Variants in ASXL1 observed in about 807,000 individuals in gnomAD.
The protein encoded by ASXL1 is polycomb group protein ASXL1.
Under a neutral mutation model 89.1 loss-of-function variants are expected in ASXL1, and 65 were observed. That is an observed-to-expected ratio of 0.73 (90% CI 0.60 to 0.90). The LOEUF (loss-of-function observed/expected upper bound fraction) is 0.90. ASXL1 is among the 40% of genes least tolerant of loss of function. The pLI, the probability that ASXL1 is intolerant of heterozygous loss-of-function variation, is 0.00. For synonymous variants in ASXL1, 739 were observed against 746.9 expected (o/e 0.99, Z 0.17); for missense variants, 1,786 against 1,942.9 (o/e 0.92, Z 1.52).
At chr20:32,424,916 G>A (rs2011229693) in intron 4 of ASXL1, among the ~76,000 whole-genome samples, 1 of 152,098 alleles carries the variant, frequency 6.6e-6, no homozygotes, top group Admixed American at 6.5e-5. Flanking sequence ...CATCAAATAT[G>A]GCCAGCAGCC....
At position 32,435,409 on chromosome 20, in the gene ASXL1, AC is replaced by A; in HGVS notation, c.2700del (p.Ile901SerfsTer7). 1 of 1,614,152 alleles carries A rather than the reference AC, an allele frequency of 6.2e-7. No homozygotes were observed. Among genetic ancestry groups the A allele is most frequent in the Non-Finnish European group, 8.5e-7 (1 of 1,180,018 alleles). ...LVSNSSLHWI[P>X]IPSNDEVVKQ... ...TTTCTAACAGTTCTTTGCATTGGATACCCATCCCATCGAATGATGAGGTAGT... is the reference window on the plus strand; with the variant it reads ...TTTCTAACAGTTCTTTGCATTGGATACCATCCCATCGAATGATGAGGTAGT... On this transcript the variant is annotated frameshift_variant, in exon 13 of 13. Coordinates refer to ENST00000375687, the MANE Select transcript of ASXL1 (RefSeq NM_015338.6). LOFTEE classifies it low-confidence loss of function (END_TRUNC).
Position 32,435,772 on chromosome 20 carries a change from A to G in ASXL1, c.3060A>G (p.Glu1020=). The G allele has an allele frequency of 6.2e-7, 1 of 1,614,210 alleles. No homozygotes were observed. The highest frequency in any genetic ancestry group is 8.5e-7 in the Non-Finnish European group (1 of 1,180,040). The change falls in exon 13 of 13, where the codon GAA becomes GAG. Residue 1020 remains glutamate (E), a synonymous_variant. Transcript: ENST00000375687. The stretch of plus-strand genomic sequence containing the variant: ...ACAGCAGTGAGGCTGACACTAGAGA[A>G]GCTGCAGTGACAAAGGGATCTTCGG... ...TEDSSEADTR[E]AAVTKGSSVD...
At chr20:32,428,626 A>C in intron 6 of ASXL1, 2 of 267,350 alleles carry the variant, frequency 7.5e-6, no homozygotes, top group Non-Finnish European at 6.9e-6. Flanking sequence ...CTCTTTCTTT[A>C]CCTTGGCTGA....
At chr20:32,419,335 T>G (rs2049197906) in intron 4 of ASXL1, among the ~76,000 whole-genome samples, 1 of 152,064 alleles carries the variant, frequency 6.6e-6, no homozygotes, top group Admixed American at 6.5e-5. Flanking sequence ...CCCGAGTAGC[T>G]GAGACTACAG....
intron 4 of ASXL1, among the ~76,000 whole-genome samples, chr20:32,383,171 A>C (rs185711290): frequency 1.3e-5 from 2 of 152,092 alleles, no homozygotes; most frequent in Non-Finnish European, 2.9e-5. Flanking sequence ...ATATTTCTCA[A>C]AATGTCAGTT....
chr20:32,378,158 T>TTTTGTGTGTGTGTGTG, intron 4 of ASXL1, among the ~76,000 whole-genome samples: 1 of 130,316 alleles, frequency 7.7e-6, no homozygotes, highest in African/African-American at 3.0e-5. Flanking sequence ...GCTGAGTAAT[T>TTTTGTGTGTGTGTGTG]TGTGTGTGTG....
intron 3 of ASXL1, among the ~76,000 whole-genome samples, chr20:32,368,078 C>A (rs1167846702): frequency 1.3e-5 from 2 of 152,064 alleles, no homozygotes; most frequent in African/African-American, 2.4e-5. Flanking sequence ...TTTAACACTG[C>A]ATAAATTAGG....
chr20:32,432,414 A>T (rs1414399062), intron 10 of ASXL1: 1 of 208,244 alleles, frequency 4.8e-6, no homozygotes, highest in Admixed American at 5.3e-5. Flanking sequence ...TGCTTGGCAC[A>T]TACCCAGCTT....
intron 4 of ASXL1, among the ~76,000 whole-genome samples, chr20:32,412,719 G>T (rs558481293): frequency 6.7e-6 from 1 of 148,926 alleles, no homozygotes; most frequent in African/African-American, 2.5e-5. Flanking sequence ...ATCCTGGCTG[G>T]CTAATTTTTT....
chr20:32,424,636 T>C (rs914283882), intron 4 of ASXL1, among the ~76,000 whole-genome samples: 2 of 152,202 alleles, frequency 1.3e-5, no homozygotes, highest in African/African-American at 4.8e-5. Flanking sequence ...CAAATTTTCA[T>C]TTTTTAAAAA....
rs1233368049 is a variant in ASXL1, at chr20:32,435,248, A to G, written c.2536A>G (p.Ser846Gly). ...GAAGGATCCTGTAAATGTGACCCCC[A>G]GTTCCACACCTGAATCCTCACCGAC... is the stretch of plus-strand genomic sequence containing the variant. ...TMKDPVNVTP[S>G]STPESSPTDC... The change falls in exon 13 of 13, where the codon AGT (serine) becomes GGT (glycine). Residue 846 changes from serine to glycine, a missense_variant. Physicochemically the swap from Ser to Gly is moderately conservative, Grantham distance 56. Around this residue, in one of 3 missense-constraint regions of ASXL1, gnomAD observed 1,418 missense variants for 1,427.8 expected, o/e 0.99. Transcript: ENST00000375687. The G allele has an allele frequency of 1.9e-6, 3 of 1,614,134 alleles. No individual in the cohort carries two copies. The highest frequency in any genetic ancestry group is 2.5e-6 in the Non-Finnish European group (3 of 1,180,030).
chr20:32,421,966 TC>T (rs2049262174), intron 4 of ASXL1, among the ~76,000 whole-genome samples: 1 of 150,456 alleles, frequency 6.6e-6, no homozygotes, highest in Non-Finnish European at 1.5e-5. Flanking sequence ...CCTCCCGGGT[TC>T]ATGCCATTCT....
In ASXL1 at chr20:32,437,185, A is replaced by G. The variant is rs1408801042; in HGVS notation, c.4473A>G (p.Gln1491=). Residue 1491 remains glutamine (Q), a synonymous_variant, in exon 13 of 13, where the codon CAA becomes CAG. Coordinates refer to ENST00000375687, the MANE Select transcript of ASXL1 (RefSeq NM_015338.6). ...GCCACAGTGCATCACTTTCCTTGCAAATGTTCACTGACAGCAGCACGGTGG... is the reference window on the plus strand; with the variant it reads ...GCCACAGTGCATCACTTTCCTTGCAGATGTTCACTGACAGCAGCACGGTGG... ...GASHSASLSL[Q]MFTDSSTVES... The G allele has an allele frequency of 6.2e-6, 10 of 1,613,612 alleles. No individual in the cohort carries two copies. Among genetic ancestry groups the G allele is most frequent in the Non-Finnish European group, 6.8e-6 (8 of 1,179,628 alleles).
At chr20:32,418,807 ATCTTTTTTTTTTTTTTTTTTTTTTTT>A (rs1458600097) in intron 4 of ASXL1, among the ~76,000 whole-genome samples, 5 of 101,402 alleles carry the variant, frequency 4.9e-5, no homozygotes, top group African/African-American at 1.9e-4. Context: ...AAGAATTGAC[ATCTTTTTTTTTTTTTTTTTTTTTTTT>A]TTTTTTTTTT....
intron 4 of ASXL1, chr20:32,427,827 T>C (rs2011372270): frequency 2.5e-6 from 1 of 396,838 alleles, no homozygotes; most frequent in South Asian, 2.1e-5. Context: ...TTGAGCTCCT[T>C]GAGAGCAGGG....
rs1193512076 is a variant in ASXL1 at position 32,386,787 on chromosome 20, CTCT to C, written c.252+17666_252+17668del. On this transcript the variant is annotated intron_variant, in intron 4 of 12. Coordinates refer to ENST00000375687, the MANE Select transcript of ASXL1 (RefSeq NM_015338.6). Reference sequence around the variant, plus strand: ...GATCTTTTGTGTATGACCTCTCTCTCTCTTTTTTTTTTTTTTTTGCTACCTCTC... The same window carrying C: ...GATCTTTTGTGTATGACCTCTCTCTCTTTTTTTTTTTTTTTGCTACCTCTC... Among the ~76,000 whole-genome samples, 6 of 45,990 alleles carry C rather than the reference CTCT, an allele frequency of 1.3e-4. No homozygotes were observed. The East Asian group carries it at 3.5e-3, about 27-fold the overall frequency. 30.2% of individuals were successfully genotyped at this position (45,990 alleles called of 152,430 possible).
At chr20:32,366,644 A>G (rs1332616321) in intron 2 of ASXL1, 178 bp downstream of exon 2, 2 of 864,390 alleles carry the variant, frequency 2.3e-6, no homozygotes, top group Non-Finnish European at 2.8e-6. Context: ...GCAGTGGGTG[A>G]ACATCCATTT....
chr20:32,398,631 A>T (rs1600523556), intron 4 of ASXL1, among the ~76,000 whole-genome samples: 1 of 117,862 alleles, frequency 8.5e-6, no homozygotes. Flanking sequence ...TTTTTTTGAG[A>T]CGGAGTCTTG....
intron 12 of ASXL1, 69 bp downstream of exon 12, chr20:32,433,986 C>A (rs2123273282): frequency 6.3e-7 from 1 of 1,587,956 alleles, no homozygotes. Context: ...GATTATAGAG[C>A]CCTTAACTCT....
Sources: gnomAD v4.1 joint callset for allele counts (sites outside exome capture counted in the v4.1 genomes callset) on GRCh38, gnomAD v4.1.1 for gene constraint, gnomAD v4.1.1 regional missense constraint, MANE v1.5 for transcripts, NCBI Gene and HGNC (gene_info 2026-07-23, HGNC 2026-07-21) for gene names.